The following SUFU variants were observed in gnomAD, a reference collection of about 807,000 sequenced individuals.
The protein encoded by SUFU is suppressor of fused homolog.
In SUFU, 7 loss-of-function variants were observed where a neutral mutation model predicts 58.9. That is an observed-to-expected ratio of 0.12 (90% CI 0.07 to 0.22). The LOEUF is 0.22. Ranked by LOEUF, SUFU falls within the 10% of genes least tolerant of loss-of-function variation. The pLI is 1.00. For missense variants in SUFU, 451 were observed against 641.3 expected (o/e 0.70, Z 3.20); for synonymous variants, 232 against 254.8 (o/e 0.91, Z 0.85).
chr10:102,560,691 C>T lies in SUFU; in HGVS notation c.454+10585C>T, dbSNP rs79914695. Among the ~76,000 whole-genome samples, 934 of 152,298 alleles carry T rather than the reference C, an allele frequency of 6.1e-3. 5 individuals are homozygous for T. Among genetic ancestry groups the T allele is most frequent in the East Asian group, 0.019 (97 of 5,192 alleles). ...ATCTGTCAGGATGTTCTTTTTAACG[C>T]GACACTTTTTTAATACCTACATATA... On this transcript the variant is annotated intron_variant, in intron 3 of 11. Transcript: ENST00000369902.
At chr10:102,520,024 G>A (rs181494395) in intron 2 of SUFU, among the ~76,000 whole-genome samples, 4 of 151,884 alleles carry the variant, frequency 2.6e-5, no homozygotes, top group East Asian at 1.9e-4. Context: ...TGCCCACCTC[G>A]GCCTCCCAAA....
At chr10:102,586,406 G>T (rs959360594) in intron 3 of SUFU, among the ~76,000 whole-genome samples, 4 of 151,910 alleles carry the variant, frequency 2.6e-5, no homozygotes, top group African/African-American at 9.7e-5. Flanking sequence ...GGGCACGGTG[G>T]CTTACGCCTG....
chr10:102,504,268 G>T lies in SUFU; in HGVS notation c.116G>T (p.Gly39Val), dbSNP rs756123785. The change falls in exon 1 of 12, where the codon GGA becomes GTA. Residue 39 changes from glycine (G) to valine (V), a missense_variant. By Grantham distance (109) the Gly-to-Val change is moderately radical. Coordinates refer to ENST00000369902, the MANE Select transcript of SUFU (RefSeq NM_016169.4). ...CCCCCGGGACTGCACGCCATCTACG[G>T]AGAGTGCCGCCGCCTTTACCCTGAC... is the stretch of plus-strand genomic sequence containing the variant. ...LFPPGLHAIY[G>V]ECRRLYPDQP... 2 of 1,614,012 alleles carry T rather than the reference G, an allele frequency of 1.2e-6. No individual in the cohort carries two copies. The highest frequency in any genetic ancestry group is 1.7e-6 in the Non-Finnish European group (2 of 1,180,010).
chr10:102,544,689 ACT>A lies in SUFU; in HGVS notation c.318-5278_318-5277del, dbSNP rs568172478. On this transcript the variant is annotated intron_variant, in intron 2 of 11. Transcript: ENST00000369902. The stretch of plus-strand genomic sequence containing the variant: ...ACTCCAGCCTGGGCAACGGAGTGAG[ACT>A]CTGTTTCAAAAACAACAACAACAAA... Among the ~76,000 whole-genome samples the A allele has an allele frequency of 1.2e-3, 181 of 152,252 alleles. 1 individual carries two copies. Among genetic ancestry groups the A allele is most frequent in the Non-Finnish European group, 1.6e-3 (108 of 68,012 alleles).
chr10:102,611,884 C>A (rs2063627226), intron 8 of SUFU, among the ~76,000 whole-genome samples: 1 of 152,232 alleles, frequency 6.6e-6, no homozygotes, highest in South Asian at 2.1e-4. Context: ...TGGCAGTCCC[C>A]AGCGGGTATG....
At chr10:102,575,523 C>T (rs969000097) in intron 3 of SUFU, among the ~76,000 whole-genome samples, 2 of 152,180 alleles carry the variant, frequency 1.3e-5, no homozygotes, top group Non-Finnish European at 2.9e-5. Context: ...CCACCAGTTT[C>T]TACCCCCATT....
intron 9 of SUFU, among the ~76,000 whole-genome samples, chr10:102,615,607 GTC>G (rs2063678042): frequency 6.6e-6 from 1 of 152,210 alleles, no homozygotes; most frequent in African/African-American, 2.4e-5. Flanking sequence ...AGCAGGCTGG[GTC>G]TCAGGGAGGG....
intron 1 of SUFU, among the ~76,000 whole-genome samples, chr10:102,507,715 T>C (rs1222692370): frequency 6.6e-6 from 1 of 152,286 alleles, no homozygotes; most frequent in Non-Finnish European, 1.5e-5. Context: ...TGCCTGGTGC[T>C]GGCACCATTG....
intron 2 of SUFU, among the ~76,000 whole-genome samples, chr10:102,532,445 G>T (rs1202778827): frequency 6.6e-6 from 1 of 152,200 alleles, no homozygotes. Context: ...TCCAGGAATA[G>T]CTCATCTGAG....
Position 102,619,553 on chromosome 10 carries a change from A to C in SUFU, c.1296+2125A>C. The C allele has an allele frequency of 9.7e-7, 1 of 1,027,580 alleles. No homozygotes were observed. Among genetic ancestry groups the C allele is most frequent in the Non-Finnish European group, 1.2e-6 (1 of 841,212 alleles). The allele number at this position is 1,027,580 out of a possible 1,614,324, so 63.7% of individuals were successfully genotyped here. A position where few individuals can be genotyped will look rare whatever the true frequency, so the allele number is the denominator to read the frequency against. On this transcript the variant is annotated intron_variant, in intron 10 of 11. Transcript: ENST00000369902. This position sits in a 1 kb window ranked among gnomAD's most constrained non-coding sequence, Gnocchi z 4.2. ...CTGGGAAGGCTGGCGGAGGCCCCAC[A>C]CCCCAAGCACCCACCCTTGATCACC...
chr10:102,571,746 C>G (rs888414301), intron 3 of SUFU, among the ~76,000 whole-genome samples: 11 of 152,188 alleles, frequency 7.2e-5, no homozygotes, highest in African/African-American at 2.7e-4. Flanking sequence ...CTGTGTGTCT[C>G]AAGTTTGGAC....
intron 2 of SUFU, among the ~76,000 whole-genome samples, chr10:102,519,357 T>G (rs2135661334): frequency 6.6e-6 from 1 of 151,218 alleles, no homozygotes; most frequent in East Asian, 2.0e-4. Context: ...AAACCGTCTC[T>G]ACTAAAAAAA....
In SUFU at chr10:102,627,085, A is replaced by G. The variant is rs2063792707; in HGVS notation, c.1297-90A>G. 1.0e-5 allele frequency: 14 copies of G among 1,382,220 alleles called. No homozygotes were observed. In the South Asian group the frequency reaches 1.5e-4, roughly 15 times the overall value. 85.6% of individuals were successfully genotyped at this position (1,382,220 alleles called of 1,614,324 possible). On this transcript the variant is annotated intron_variant, in intron 10 of 11. Coordinates refer to ENST00000369902, the MANE Select transcript of SUFU (RefSeq NM_016169.4). ...ATCACAGTGAGCTCATCTCTCCTCC[A>G]TGGTCAGAAGAGAGGTATAACGCTT...
At chr10:102,581,887 A>G (rs953763155) in intron 3 of SUFU, among the ~76,000 whole-genome samples, 1 of 152,142 alleles carries the variant, frequency 6.6e-6, no homozygotes, top group African/African-American at 2.4e-5. Context: ...AGAGATTATG[A>G]TGGCTGTGCC....
At chr10:102,538,341 G>A (rs191393366) in intron 2 of SUFU, among the ~76,000 whole-genome samples, 11 of 139,942 alleles carry the variant, frequency 7.9e-5, no homozygotes, top group Non-Finnish European at 1.4e-4. Flanking sequence ...ATATACTTAT[G>A]CAAGAGGCTT....
chr10:102,519,152 A>G (rs1564661826), intron 2 of SUFU, among the ~76,000 whole-genome samples: 1 of 150,554 alleles, frequency 6.6e-6, no homozygotes, highest in East Asian at 2.0e-4. Flanking sequence ...AAAAAAAAAA[A>G]AAAGAAAGAG....
intron 9 of SUFU, among the ~76,000 whole-genome samples, chr10:102,616,757 T>C (rs1432939669): frequency 1.3e-5 from 2 of 152,184 alleles, no homozygotes; most frequent in African/African-American, 4.8e-5. Context: ...TTTTTAAAGA[T>C]GTGCTGTGGC....
chr10:102,576,060 G>T (rs2063209224), intron 3 of SUFU, among the ~76,000 whole-genome samples: 1 of 150,346 alleles, frequency 6.7e-6, no homozygotes, highest in Non-Finnish European at 1.5e-5. Context: ...TGTCCAGGCT[G>T]GTCTTGAACT....
rs1404846661 is a variant in SUFU at position 102,571,482 on chromosome 10, T to G, written c.455-21100T>G. 3.3e-5 allele frequency among the ~76,000 whole-genome samples: 5 copies of G among 151,008 alleles called. No homozygotes were observed. The Admixed American group carries it at 3.3e-4, about 10-fold the overall frequency. ...GATTTCAAGACCAGCCTGGGCAACA[T>G]GCCGAAACCCTGTCTCTACTAAAAA... On this transcript the variant is annotated intron_variant, in intron 3 of 11. Transcript: ENST00000369902.
Sources: gnomAD v4.1 joint callset for allele counts (sites outside exome capture counted in the v4.1 genomes callset) on GRCh38, gnomAD v4.1.1 for gene constraint, Gnocchi (gnomAD v3.1) non-coding constraint, MANE v1.5 for transcripts, NCBI Gene and HGNC (gene_info 2026-07-23, HGNC 2026-07-21) for gene names.